The following PDE11A variants were observed in gnomAD, a reference collection of about 807,000 sequenced individuals.
PDE11A encodes phosphodiesterase 11A.
A neutral mutation model predicts 100.5 loss-of-function variants in PDE11A; 100 were observed. The observed-to-expected ratio is 1.00, with a 90% CI of 0.85 to 1.18. The LOEUF (loss-of-function observed/expected upper bound fraction) is 1.18, where lower values mean the gene tolerates loss of function less well. PDE11A is among the 50% of genes most tolerant of loss of function. PDE11A has a pLI of 0.00. For synonymous variants in PDE11A, 381 were observed against 420.8 expected (o/e 0.91, Z 1.16); for missense variants, 1,141 against 1,152.6 (o/e 0.99, Z 0.15).
intron 6 of PDE11A, among the ~76,000 whole-genome samples, chr2:177,829,381 G>C (rs1021367735): frequency 1.3e-5 from 2 of 151,818 alleles, no homozygotes; most frequent in African/African-American, 2.4e-5. Flanking sequence ...AGGATATATA[G>C]ATTGCTTCAT....
chr2:177,807,838 C>T (rs2082895117), intron 9 of PDE11A, among the ~76,000 whole-genome samples: 1 of 152,208 alleles, frequency 6.6e-6, no homozygotes, highest in African/African-American at 2.4e-5. Context: ...CAAATATCTA[C>T]ACGATTACTA....
At chr2:177,791,692 A>G (rs1239363241) in intron 9 of PDE11A, among the ~76,000 whole-genome samples, 1 of 152,148 alleles carries the variant, frequency 6.6e-6, no homozygotes, top group Non-Finnish European at 1.5e-5. Context: ...CCAAATAAGT[A>G]AGATTATAGT....
intron 9 of PDE11A, among the ~76,000 whole-genome samples, chr2:177,796,737 C>T (rs1045679432): frequency 2.6e-5 from 4 of 152,146 alleles, no homozygotes; most frequent in African/African-American, 7.2e-5. Flanking sequence ...ACTATAAACA[C>T]GGCTTTCATA....
intron 19 of PDE11A, among the ~76,000 whole-genome samples, chr2:177,635,103 CA>C (rs775721205): frequency 3.9e-5 from 6 of 152,218 alleles, no homozygotes; most frequent in Non-Finnish European, 8.8e-5. Context: ...AGTGCGTGCA[CA>C]ACCTCCCAGG....
chr2:177,772,702 C>T (rs1367497359), intron 9 of PDE11A, among the ~76,000 whole-genome samples: 2 of 141,588 alleles, frequency 1.4e-5, no homozygotes, highest in Admixed American at 1.4e-4. Context: ...ACTCTTCCCA[C>T]TTCCTTTATT....
intron 2 of PDE11A, among the ~76,000 whole-genome samples, chr2:178,083,895 T>C (rs1188888824): frequency 6.6e-6 from 1 of 152,180 alleles, no homozygotes; most frequent in African/African-American, 2.4e-5. Flanking sequence ...CTTGTAAAAA[T>C]TTAAACGTAA....
intron 9 of PDE11A, among the ~76,000 whole-genome samples, chr2:177,799,675 C>T (rs972565276): frequency 5.1e-4 from 78 of 152,092 alleles, no homozygotes; most frequent in African/African-American, 1.8e-3. Flanking sequence ...ATCTCCACCC[C>T]CAAAATGAAG....
intron 6 of PDE11A, among the ~76,000 whole-genome samples, chr2:177,824,961 C>T (rs6736927): frequency 0.4 from 60,337 of 151,970 alleles, 13,212 homozygotes; most frequent in African/African-American, 0.58. Flanking sequence ...AAAATTATTG[C>T]TCCTAGTTTG....
intron 13 of PDE11A, among the ~76,000 whole-genome samples, chr2:177,711,103 G>A (rs959295277): frequency 6.6e-6 from 1 of 152,218 alleles, no homozygotes; most frequent in Non-Finnish European, 1.5e-5. Context: ...CTGTGGCCTT[G>A]GCCACAGTAT....
chr2:178,006,830 G>C (rs923265894), intron 2 of PDE11A, among the ~76,000 whole-genome samples: 6 of 150,898 alleles, frequency 4.0e-5, no homozygotes, highest in African/African-American at 7.3e-5. Context: ...ACAAGGGGGG[G>C]GGGGGAAGCC....
intron 5 of PDE11A, among the ~76,000 whole-genome samples, chr2:177,842,956 T>C (rs375648706): frequency 3.9e-4 from 60 of 152,048 alleles, no homozygotes; most frequent in African/African-American, 1.4e-3. Context: ...TCACGGAGAA[T>C]AAAATGCATG....
intron 2 of PDE11A, among the ~76,000 whole-genome samples, chr2:177,987,343 A>T (rs1459319262): frequency 6.6e-6 from 1 of 152,238 alleles, no homozygotes; most frequent in Non-Finnish European, 1.5e-5. Flanking sequence ...TGCTAAATCA[A>T]GTATTTTTCC....
chr2:177,634,383 TCTCTC>T (rs1390588953), intron 19 of PDE11A, among the ~76,000 whole-genome samples: 1 of 56,420 alleles, frequency 1.8e-5, no homozygotes, highest in Admixed American at 1.9e-4. Flanking sequence ...TTACTTTTTC[TCTCTC>T]TCTTTTTTTT....
chr2:177,842,494 G>A (rs57019461), intron 5 of PDE11A, among the ~76,000 whole-genome samples: 1,746 of 152,344 alleles, frequency 0.011, 30 homozygotes, highest in African/African-American at 0.04. Context: ...AAGGCTCAAA[G>A]GTGAGGCCTT....
chr2:177,819,866 CTTT>C (rs2083106511), intron 7 of PDE11A, among the ~76,000 whole-genome samples: 2 of 84,140 alleles, frequency 2.4e-5, no homozygotes, highest in Admixed American at 1.3e-4. Flanking sequence ...CTCTTTCTCT[CTTT>C]CTCTCTCTCT....
intron 5 of PDE11A, among the ~76,000 whole-genome samples, chr2:177,856,290 C>A (rs1426129252): frequency 6.6e-5 from 10 of 152,006 alleles, no homozygotes; most frequent in African/African-American, 2.4e-4. Flanking sequence ...GAAATGACAA[C>A]AAACATTAGA....
At chr2:177,697,567 A>C (rs2081132824) in intron 14 of PDE11A, 135 bp from the exon 15 acceptor site, 1 of 630,248 alleles carries the variant, frequency 1.6e-6, no homozygotes, top group African/African-American at 1.8e-5. Context: ...AATTTTGTAT[A>C]AATATAAACA....
chr2:177,980,995 C>G (rs1354826487), intron 2 of PDE11A, among the ~76,000 whole-genome samples: 1 of 148,556 alleles, frequency 6.7e-6, no homozygotes, highest in African/African-American at 2.4e-5. Context: ...CACACACACA[C>G]ACACACACAC....
intron 2 of PDE11A, among the ~76,000 whole-genome samples, chr2:177,992,929 T>G (rs144517585): frequency 2.2e-4 from 33 of 152,242 alleles, no homozygotes; most frequent in African/African-American, 7.5e-4. Context: ...CGTTTTTTCT[T>G]AATTCTTAAC....
Sources: allele counts gnomAD v4.1 joint callset (sites outside exome capture counted in the v4.1 genomes callset), GRCh38; gene constraint gnomAD v4.1.1; transcripts MANE v1.5; gene names NCBI Gene and HGNC (gene_info 2026-07-23, HGNC 2026-07-21).